Variants in QARS1 observed in about 807,000 individuals in gnomAD.
The protein encoded by QARS1 is glutaminyl-tRNA synthetase 1, also known as glutamine--tRNA ligase.
QARS1 carries 79 observed loss-of-function variants against 106.9 expected under a neutral mutation model. The ratio of observed to expected loss-of-function variants is 0.74; its 90% confidence interval spans 0.62 to 0.89. QARS1 has a LOEUF of 0.89. QARS1 is among the 40% of genes least tolerant of loss of function. QARS1 has a pLI of 0.00. For synonymous variants in QARS1, 395 were observed against 367.7 expected, an observed-to-expected ratio of 1.07 and a Z score of -0.85; for missense variants, 966 against 997.2, an observed-to-expected ratio of 0.97 and a Z score of 0.42.
Position 49,098,198 on chromosome 3 carries a change from C to T in QARS1, c.2145G>A (p.Leu715=), listed in dbSNP as rs768080220. 6.2e-7 allele frequency: 1 copy of T among 1,614,180 alleles called. No homozygotes were observed. Among genetic ancestry groups the T allele is most frequent in the Non-Finnish European group, 8.5e-7 (1 of 1,180,032 alleles). The part of the protein sequence containing the change: ...TEVPGGFLSD[L]NLASLHVVDA... ...CCAAACCTCATGAACCTACCAGGTTCAGGTCACTTAAAAATCCACCAGGCA... is the reference window on the plus strand; with the variant it reads ...CCAAACCTCATGAACCTACCAGGTTTAGGTCACTTAAAAATCCACCAGGCA... Residue 715 remains leucine, a synonymous_variant, in exon 22 of 24, where the codon CTG becomes CTA. Transcript: ENST00000306125.
rs1363434638 is a variant in QARS1, at chr3:49,103,855, A to C, written c.375+8T>G. ...GGGGAGGCAGACGATGCCTGGGGAA[A>C]GACTCACAGCCTCCTCAATCTGCTC... is the stretch of plus-strand genomic sequence containing the variant. On this transcript the variant is annotated splice_region_variant and intron_variant, in intron 3 of 23. Transcript: ENST00000306125. 3.1e-6 allele frequency: 5 copies of C among 1,613,032 alleles called. No homozygotes were observed. In the African/African-American group the frequency reaches 6.7e-5, roughly 22 times the overall value.
intron 19 of QARS1, 62 bp from the exon 20 acceptor site, chr3:49,098,754 C>T (rs976314473): frequency 6.6e-7 from 1 of 1,509,822 alleles, no homozygotes; most frequent in African/African-American, 1.4e-5. Flanking sequence ...GGGGAAGCTT[C>T]CCTACCCCCG....
At position 49,097,980 on chromosome 3, in the gene QARS1, A is replaced by G. The variant is rs376822830; in HGVS notation, c.2277+12T>C. ...CTGCTGCAGATGAGGGCAGGTGAGT[A>G]AAGTCAAGCACCTTTCCCTGATGGC... On this transcript the variant is annotated intron_variant, in intron 23 of 23. Coordinates refer to ENST00000306125, the MANE Select transcript of QARS1 (RefSeq NM_005051.3). 1 of 1,613,992 alleles carries G rather than the reference A, an allele frequency of 6.2e-7. No homozygotes were observed. The highest frequency in any genetic ancestry group is 1.3e-5 in the African/African-American group (1 of 74,942).
At chr3:49,099,880 C>A (rs764935684) in intron 14 of QARS1, 27 bp from the exon 15 acceptor site, 5 of 1,613,932 alleles carry the variant, frequency 3.1e-6, no homozygotes, top group Non-Finnish European at 4.2e-6. Flanking sequence ...GTGGGCCCTA[C>A]CATCCAGCCC....
chr3:49,104,655 A>G lies in QARS1; in HGVS notation c.79T>C (p.Ser27Pro). 6.2e-7 allele frequency: 1 copy of G among 1,608,758 alleles called. No individual in the cohort carries two copies. Among genetic ancestry groups the G allele is most frequent in the Non-Finnish European group, 8.5e-7 (1 of 1,176,240 alleles). ...TCGCGCAGCTGCGCGCTCAGAGCCG[A>G]GTTCTTGAGCGTCTCGCGGGCCTTC... The part of the protein sequence containing the change: ...EQKARETLKN[S>P]ALSAQLREAA... The change falls in exon 1 of 24, where the codon TCG becomes CCG. Residue 27 changes from serine to proline, a missense_variant. Transcript: ENST00000306125.
intron 23 of QARS1, among the ~76,000 whole-genome samples, chr3:49,097,625 T>A (rs1338366694): frequency 1.3e-5 from 2 of 151,834 alleles, no homozygotes; most frequent in African/African-American, 2.4e-5. Flanking sequence ...TGAAACCCCA[T>A]CTCTACTAAA....
Position 49,100,618 on chromosome 3 carries a change from T to C in QARS1, c.933A>G (p.Glu311=), listed in dbSNP as rs775610674. The C allele has an allele frequency of 2.7e-5, 43 of 1,611,452 alleles. No individual in the cohort carries two copies. In the East Asian group the frequency reaches 8.9e-4, roughly 33 times the overall value. The change falls in exon 11 of 24, where the codon GAA becomes GAG. Residue 311 remains glutamate, a synonymous_variant. Transcript: ENST00000306125. ...CACAGATGGCCGTGAAGAACTTTGC[T>C]TCCTCCTTCTCAGGGTTGGTGTCAT... ...RFDDTNPEKE[E]AKFFTAICDM...
chr3:49,102,595 C>T (rs930650398), intron 5 of QARS1, 123 bp from the exon 6 acceptor site: 5 of 989,514 alleles, frequency 5.1e-6, no homozygotes, highest in Non-Finnish European at 7.8e-6. Context: ...AAAAACCTAC[C>T]TAGCCCATCC....
In QARS1 at chr3:49,102,216, A is replaced by T. The variant is rs1383738131; in HGVS notation, c.620T>A (p.Val207Glu). 4 of 1,614,168 alleles carry T rather than the reference A, an allele frequency of 2.5e-6. No homozygotes were observed. In the South Asian group the frequency reaches 4.4e-5, roughly 18 times the overall value. ...EETDRRTAKD[V>E]VENGETADQT... is the part of the protein sequence containing the mutation. ...CTCAAGCTTCTCACCATTCTCCACC[A>T]CATCCTTTGCCGTCCTCCGGTCTGT... The change falls in exon 7 of 24, where the codon GTG becomes GAG. Residue 207 changes from valine (V) to glutamate (E), a missense_variant. Coordinates refer to ENST00000306125, the MANE Select transcript of QARS1 (RefSeq NM_005051.3).
Position 49,099,700 on chromosome 3 carries a change from C to A in QARS1, c.1389-53G>T, listed in dbSNP as rs2042441304. ...GGCCAGCTCTGGAACCAGGCAGAGA[C>A]CACAGGAAGGGCTGCTGGAATTCCA... On this transcript the variant is annotated intron_variant, in intron 15 of 23. Coordinates refer to ENST00000306125, the MANE Select transcript of QARS1 (RefSeq NM_005051.3). 6 of 1,611,896 alleles carry A rather than the reference C, an allele frequency of 3.7e-6. No homozygotes were observed. The South Asian group carries it at 6.6e-5, about 18-fold the overall frequency.
chr3:49,100,302 T>TG lies in QARS1; in HGVS notation c.1056-5dup. ...GTGGCACACATAAGCCAGACCCCTG[T>TG]GGGGAAGCGGTGTGAGTGCCCAGCA... On this transcript the variant is annotated splice_polypyrimidine_tract_variant and splice_region_variant and intron_variant, in intron 12 of 23. Coordinates refer to ENST00000306125, the MANE Select transcript of QARS1 (RefSeq NM_005051.3). 1 of 1,614,196 alleles carries TG rather than the reference T, an allele frequency of 6.2e-7. No individual in the cohort carries two copies. Among genetic ancestry groups the TG allele is most frequent in the Non-Finnish European group, 8.5e-7 (1 of 1,180,012 alleles).
At chr3:49,103,459 C>T in intron 4 of QARS1, 50 bp from the exon 5 acceptor site, 3 of 1,605,306 alleles carry the variant, frequency 1.9e-6, no homozygotes, top group Non-Finnish European at 2.6e-6. Flanking sequence ...AGAGTACTCC[C>T]CCCACCTCTT....
Position 49,103,891 on chromosome 3 carries a change from A to G in QARS1, c.347T>C (p.Ile116Thr), listed in dbSNP as rs779669893. Reference sequence around the variant, plus strand: ...CTCCTCAATCTGCTCTGGGGTCACAATGACACCCACGCCACATTCCCGCTC... The same window carrying G: ...CTCCTCAATCTGCTCTGGGGTCACAGTGACACCCACGCCACATTCCCGCTC... ...DFERECGVGV[I>T]VTPEQIEEAV... Residue 116 changes from isoleucine to threonine, a missense_variant, in exon 3 of 24, where the codon ATT becomes ACT. Coordinates refer to ENST00000306125, the MANE Select transcript of QARS1 (RefSeq NM_005051.3). 3.1e-6 allele frequency: 5 copies of G among 1,614,050 alleles called. No individual in the cohort carries two copies. Among genetic ancestry groups the G allele is most frequent in the South Asian group, 2.2e-5 (2 of 91,074 alleles).
intron 23 of QARS1, chr3:49,097,379 G>C (rs911463680): frequency 6.6e-6 from 1 of 151,798 alleles, no homozygotes. Flanking sequence ...TGGCCAGGGT[G>C]GTCTCGAACT....
At chr3:49,099,906 C>T (rs756568677) in intron 14 of QARS1, 53 bp from the exon 15 acceptor site, 28 of 1,613,976 alleles carry the variant, frequency 1.7e-5, no homozygotes, top group Non-Finnish European at 2.2e-5. Context: ...TGCCCTACCC[C>T]ATGGCCCATC....
At chr3:49,099,698 G>C (rs776693303) in intron 15 of QARS1, 51 bp from the exon 16 acceptor site, 1 of 1,613,224 alleles carries the variant, frequency 6.2e-7, no homozygotes, top group Non-Finnish European at 8.5e-7. Context: ...ACCAGGCAGA[G>C]ACCACAGGAA....
chr3:49,104,442 G>C lies in QARS1; in HGVS notation c.147C>G (p.Asp49Glu). ...QAQQTLGSTI[D>E]KATGILLYGL... ...CATATAACAGGATCCCGGTAGCTTT[G>C]TCAATGGTGGAACCCAGGGTCTGCT... Residue 49 changes from aspartate to glutamate, a missense_variant, in exon 2 of 24, where the codon GAC (aspartate) becomes GAG (glutamate). By Grantham distance (45) the Asp-to-Glu change is conservative (BLOSUM62 2). Coordinates refer to ENST00000306125, the MANE Select transcript of QARS1 (RefSeq NM_005051.3). 6.2e-7 allele frequency: 1 copy of C among 1,614,166 alleles called. No individual in the cohort carries two copies. The highest frequency in any genetic ancestry group is 8.5e-7 in the Non-Finnish European group (1 of 1,180,044).
intron 22 of QARS1, 23 bp downstream of exon 22, chr3:49,098,169 C>T (rs1353369177): frequency 2.5e-6 from 4 of 1,614,192 alleles, no homozygotes; most frequent in East Asian, 2.2e-5. Flanking sequence ...CTACCTCCCT[C>T]ACCCCAAACC....
intron 23 of QARS1, among the ~76,000 whole-genome samples, chr3:49,097,568 G>A (rs556935813): frequency 2.0e-5 from 3 of 151,858 alleles, no homozygotes; most frequent in East Asian, 3.9e-4. Flanking sequence ...AGGCCGAGGC[G>A]GGCAGATCAT....
Sources: gnomAD v4.1 joint callset for allele counts (sites outside exome capture counted in the v4.1 genomes callset) on GRCh38, gnomAD v4.1.1 for gene constraint, MANE v1.5 for transcripts, NCBI Gene and HGNC (gene_info 2026-07-23, HGNC 2026-07-21) for gene names.